Variants in DHX33 observed in about 807,000 individuals in gnomAD.
DHX33 encodes the protein ATP-dependent RNA helicase DHX33.
DHX33 carries 42 observed loss-of-function variants against 72.5 expected under a neutral mutation model. That is an observed-to-expected ratio of 0.58 (90% CI 0.45 to 0.75). DHX33 has a LOEUF of 0.75. Ranked by LOEUF, DHX33 falls within the 30% of genes least tolerant of loss-of-function variation. The probability of loss-of-function intolerance (pLI) is 0.00; values close to 1 mark genes in which losing one functional copy is unlikely to be tolerated. For missense variants in DHX33, 842 were observed against 917.5 expected, an observed-to-expected ratio of 0.92 and a Z score of 1.06; for synonymous variants, 358 against 366.1, an observed-to-expected ratio of 0.98 and a Z score of 0.25.
At chr17:5,463,112 G>A (rs1403066679) in intron 2 of DHX33, among the ~76,000 whole-genome samples, 2 of 151,862 alleles carry the variant, frequency 1.3e-5, no homozygotes, top group African/African-American at 2.4e-5. Flanking sequence ...GCTATGTACA[G>A]ATATGAAAAG....
At position 5,456,160 on chromosome 17, in the gene DHX33, A is replaced by T; in HGVS notation, c.872T>A (p.Ile291Asn). The change falls in exon 5 of 12, where the codon ATC (isoleucine) becomes AAC (asparagine). Residue 291 changes from isoleucine (I) to asparagine (N), a missense_variant. Physicochemically the swap from Ile to Asn is moderately radical, Grantham distance 149. Transcript: ENST00000225296. Reference protein sequence around the residue: ...IHQEAPSSQDILVFLTGQEEI... With the variant: ...IHQEAPSSQDNLVFLTGQEEI... ...CTCCTGCCCAGTGAGGAACACCAGG[A>T]TGTCCTGTGAAGAAGGGGCTTCCTG... is the stretch of plus-strand genomic sequence containing the variant. 6.2e-7 allele frequency: 1 copy of T among 1,614,088 alleles called. No individual in the cohort carries two copies. The highest frequency in any genetic ancestry group is 8.5e-7 in the Non-Finnish European group (1 of 1,179,948).
rs932922410 is a variant in DHX33, at chr17:5,468,907, C to G, written c.-48G>C. On this transcript the variant is annotated 5_prime_UTR_variant, in exon 1 of 12. Transcript: ENST00000225296. ...AGGCGCAAGCGCCGAGAGCTCCTGC[C>G]CCCTCTCAGGTGCAGACAACAGGAG... The G allele has an allele frequency of 2.8e-5, 44 of 1,546,008 alleles. No individual in the cohort carries two copies. Among genetic ancestry groups the G allele is most frequent in the Non-Finnish European group, 3.8e-5 (44 of 1,145,026 alleles).
rs1410304756 is a variant in DHX33, at chr17:5,443,885, T to C, written c.*320A>G. ...CTTTCCATTCCTTTTCTCTAAACTT[T>C]ATGAACCCAATTTTATAAGGATTAT... On this transcript the variant is annotated 3_prime_UTR_variant, in exon 12 of 12. Transcript: ENST00000225296. 3 of 284,408 alleles carry C rather than the reference T, an allele frequency of 1.1e-5. No homozygotes were observed. Among genetic ancestry groups the C allele is most frequent in the South Asian group, 5.7e-5 (1 of 17,414 alleles). The allele number at this position is 284,408 out of a possible 1,614,324, so 17.6% of individuals were successfully genotyped here.
chr17:5,468,979 C>A lies in DHX33; in HGVS notation c.-120G>T, dbSNP rs1905014739. On this transcript the variant is annotated 5_prime_UTR_variant, in exon 1 of 12. Coordinates refer to ENST00000225296, the MANE Select transcript of DHX33 (RefSeq NM_020162.4). ...CCACGTGCTGGCGGCTCCCGGCGAC[C>A]ACCGATGACCTCACGGCCGCCCCAG... is the stretch of plus-strand genomic sequence containing the variant. The A allele has an allele frequency of 3.4e-6, 2 of 595,540 alleles. No individual in the cohort carries two copies. The highest frequency in any genetic ancestry group is 5.9e-6 in the Non-Finnish European group (2 of 336,340). The allele number at this position is 595,540 out of a possible 1,614,324, so 36.9% of individuals were successfully genotyped here. A position where few individuals can be genotyped will look rare whatever the true frequency, so the allele number is the denominator to read the frequency against.
chr17:5,446,227 G>T (rs1916653704), intron 11 of DHX33, among the ~76,000 whole-genome samples: 1 of 152,110 alleles, frequency 6.6e-6, no homozygotes, highest in African/African-American at 2.4e-5. Context: ...CACCTGCTTG[G>T]GCCTCCCAAA....
Position 5,455,226 on chromosome 17 carries a change from T to C in DHX33, c.1081A>G (p.Ile361Val), listed in dbSNP as rs534559147. 1.2e-6 allele frequency: 2 copies of C among 1,614,242 alleles called. No homozygotes were observed. The highest frequency in any genetic ancestry group is 1.7e-5 in the Admixed American group (1 of 60,032). Residue 361 changes from isoleucine (I) to valine (V), a missense_variant, in exon 6 of 12, where the codon ATA (isoleucine) becomes GTA (valine). By Grantham distance (29) the Ile-to-Val change is conservative. Transcript: ENST00000225296. ...ACATATTTTATTCCTGTAATGGTTA[T>C]GGAGGTTTCAGCGATGTTGGTTGAA... ...IISTNIAETS[I>V]TITGIKYVVD...
chr17:5,467,742 CAT>C (rs1382769927), intron 1 of DHX33, among the ~76,000 whole-genome samples: 1 of 152,172 alleles, frequency 6.6e-6, no homozygotes, highest in African/African-American at 2.4e-5. Flanking sequence ...CTTCTCCACA[CAT>C]ATAAACATTC....
intron 11 of DHX33, among the ~76,000 whole-genome samples, chr17:5,446,481 T>A (rs1916661965): frequency 6.6e-6 from 1 of 152,092 alleles, no homozygotes; most frequent in Admixed American, 6.5e-5. Context: ...AAAGAATCAA[T>A]CTTATAGGTT....
In DHX33 at chr17:5,450,882, A is replaced by G. The variant is rs755805313; in HGVS notation, c.1449T>C (p.His483=). ...GAGTCAGGGTAAGCTGGTCATCCTT[A>G]TGTTCAAGAGCACCTAACAGGTCCA... is the stretch of plus-strand genomic sequence containing the variant. The part of the protein sequence containing the change: ...AQLDLLGALE[H]KDDQLTLTPM... Residue 483 remains histidine (H), a synonymous_variant, in exon 9 of 12, where the codon CAT becomes CAC. Coordinates refer to ENST00000225296, the MANE Select transcript of DHX33 (RefSeq NM_020162.4). The G allele has an allele frequency of 6.2e-7, 1 of 1,614,166 alleles. No homozygotes were observed. Among genetic ancestry groups the G allele is most frequent in the Non-Finnish European group, 8.5e-7 (1 of 1,180,038 alleles).
At chr17:5,446,931 T>G (rs1162446547) in intron 11 of DHX33, among the ~76,000 whole-genome samples, 1 of 152,220 alleles carries the variant, frequency 6.6e-6, no homozygotes, top group Non-Finnish European at 1.5e-5. Flanking sequence ...TAGGCTACTA[T>G]GAGAAGAAAC....
At position 5,444,112 on chromosome 17, in the gene DHX33, G is replaced by C. The variant is rs1183788818; in HGVS notation, c.*93C>G. Reference sequence around the variant, plus strand: ...TCAGGCACCTTCAGCTGATTCCAAGGCTTCTCTAAGCGCCAACCTGGAAGC... The same window carrying C: ...TCAGGCACCTTCAGCTGATTCCAAGCCTTCTCTAAGCGCCAACCTGGAAGC... On this transcript the variant is annotated 3_prime_UTR_variant, in exon 12 of 12. Transcript: ENST00000225296. The surrounding 1 kb of genome is among the most constrained non-coding windows in gnomAD (Gnocchi z 4.9). The C allele has an allele frequency of 1.4e-6, 2 of 1,445,310 alleles. No individual in the cohort carries two copies. Among genetic ancestry groups the C allele is most frequent in the South Asian group, 1.4e-5 (1 of 71,112 alleles). 89.5% of individuals were successfully genotyped at this position (1,445,310 alleles called of 1,614,324 possible).
At chr17:5,447,204 G>C (rs569214085) in intron 11 of DHX33, among the ~76,000 whole-genome samples, 1 of 152,342 alleles carries the variant, frequency 6.6e-6, no homozygotes, top group South Asian at 2.1e-4. Flanking sequence ...TGTACTCTAA[G>C]AGGGAATAAA....
intron 11 of DHX33, among the ~76,000 whole-genome samples, chr17:5,446,077 C>T (rs574993098): frequency 4.8e-4 from 73 of 152,238 alleles, no homozygotes; most frequent in African/African-American, 1.7e-3. Context: ...TGGGTTCAAG[C>T]GATTTTTGTG....
chr17:5,450,035 C>T (rs571273027), intron 10 of DHX33, among the ~76,000 whole-genome samples, 168 bp downstream of exon 10: 2 of 152,244 alleles, frequency 1.3e-5, no homozygotes, highest in South Asian at 2.1e-4. Flanking sequence ...GACACTGCTT[C>T]GGTACTGAAG....
rs1427343443 is a variant in DHX33 at position 5,445,007 on chromosome 17, T to TC, written c.1816-495dup. 5.3e-5 allele frequency among the ~76,000 whole-genome samples: 8 copies of TC among 152,172 alleles called. No individual in the cohort carries two copies. In the East Asian group the frequency reaches 1.5e-3, roughly 29 times the overall value. On this transcript the variant is annotated intron_variant, in intron 11 of 11. Coordinates refer to ENST00000225296, the MANE Select transcript of DHX33 (RefSeq NM_020162.4). ...TGCTCCTTGCAAAACAATGCAAACT[T>TC]CCCGTGGTGAAGCCACGAAGGAGCC...
intron 3 of DHX33, among the ~76,000 whole-genome samples, chr17:5,462,025 C>T (rs1057247398): frequency 1.3e-5 from 2 of 150,432 alleles, no homozygotes. Flanking sequence ...CCGCAACCTC[C>T]GCCTCCTGGG....
chr17:5,453,799 T>C (rs1443745371), intron 7 of DHX33, 22 bp downstream of exon 7: 1 of 1,613,650 alleles, frequency 6.2e-7, no homozygotes, highest in South Asian at 1.1e-5. Context: ...ACAGCAGCAG[T>C]GCAGGAGCAA....
chr17:5,454,060 A>ACTGGT, intron 6 of DHX33, 80 bp from the exon 7 acceptor site: 1 of 1,508,696 alleles, frequency 6.6e-7, no homozygotes, highest in Non-Finnish European at 9.0e-7. Context: ...GAAGCACACC[A>ACTGGT]GTGGTTCTTT....
In DHX33 at chr17:5,460,892, T is replaced by C. The variant is rs774209643; in HGVS notation, c.849+47A>G. On this transcript the variant is annotated intron_variant, in intron 4 of 11. Transcript: ENST00000225296. ...AAGGCTCAATGTTCTCACTACCAACTGCAAGATAAAAGAGAACTTTTCAGG... is the reference window on the plus strand; with the variant it reads ...AAGGCTCAATGTTCTCACTACCAACCGCAAGATAAAAGAGAACTTTTCAGG... The C allele has an allele frequency of 3.8e-6, 6 of 1,574,562 alleles. No homozygotes were observed. The African/African-American group carries it at 6.8e-5, about 18-fold the overall frequency.
Sources: allele counts gnomAD v4.1 joint callset (sites outside exome capture counted in the v4.1 genomes callset), GRCh38; gene constraint gnomAD v4.1.1; non-coding constraint Gnocchi (gnomAD v3.1); transcripts MANE v1.5; gene names NCBI Gene and HGNC (gene_info 2026-07-23, HGNC 2026-07-21).